Variants in TRIM24 observed in about 807,000 individuals in gnomAD.
TRIM24 encodes transcription intermediary factor 1-alpha.
Under a neutral mutation model 123.9 loss-of-function variants are expected in TRIM24, and 29 were observed. The observed-to-expected ratio is 0.23, with a 90% CI of 0.17 to 0.32. TRIM24 has a LOEUF of 0.32. TRIM24 is among the 10% of genes least tolerant of loss of function. The pLI is 1.00. For synonymous variants in TRIM24, 456 were observed against 461.1 expected (o/e 0.99, Z 0.14); for missense variants, 932 against 1,295.3 (o/e 0.72, Z 4.31).
intron 1 of TRIM24, among the ~76,000 whole-genome samples, chr7:138,469,114 C>T (rs1005469889): frequency 2.0e-5 from 3 of 152,146 alleles, no homozygotes; most frequent in Admixed American, 6.5e-5. Flanking sequence ...TGTCTCAGTA[C>T]TAGTTACTCT....
At chr7:138,476,277 T>C (rs1341503029) in intron 1 of TRIM24, among the ~76,000 whole-genome samples, 2 of 152,150 alleles carry the variant, frequency 1.3e-5, no homozygotes, top group South Asian at 4.1e-4. Flanking sequence ...AAGATGATTA[T>C]TGAGGTACAA....
At chr7:138,571,451 A>G in intron 11 of TRIM24, among the ~76,000 whole-genome samples, 2 of 152,340 alleles carry the variant, frequency 1.3e-5, no homozygotes, top group Non-Finnish European at 2.9e-5. Context: ...ACATAATCTA[A>G]TGTCTTTCAA....
intron 16 of TRIM24, among the ~76,000 whole-genome samples, chr7:138,581,134 TA>T (rs1797886463): frequency 6.6e-6 from 1 of 152,190 alleles, no homozygotes; most frequent in Admixed American, 6.5e-5. Flanking sequence ...AAATAACATT[TA>T]AAGCTACCAA....
chr7:138,576,875 C>T (rs1372325645), intron 13 of TRIM24, among the ~76,000 whole-genome samples: 1 of 152,160 alleles, frequency 6.6e-6, no homozygotes, highest in Non-Finnish European at 1.5e-5. Context: ...CTCTTCCCTG[C>T]ATTATGCCTG....
intron 6 of TRIM24, among the ~76,000 whole-genome samples, chr7:138,534,826 C>G (rs181580087): frequency 1.3e-5 from 2 of 152,142 alleles, no homozygotes; most frequent in East Asian, 3.9e-4. Flanking sequence ...TTAAAGTCTC[C>G]CATTATTATT....
At chr7:138,509,837 A>G in intron 2 of TRIM24, among the ~76,000 whole-genome samples, 1 of 152,220 alleles carries the variant, frequency 6.6e-6, no homozygotes, top group Non-Finnish European at 1.5e-5. Context: ...CTGAGGGAAC[A>G]AATGCAAAAG....
chr7:138,505,791 C>T (rs1458322301), intron 2 of TRIM24, among the ~76,000 whole-genome samples: 1 of 152,188 alleles, frequency 6.6e-6, no homozygotes, highest in East Asian at 1.9e-4. Context: ...CTATAACCCA[C>T]ATGTAGAACA....
At chr7:138,475,166 G>A (rs1795369000) in intron 1 of TRIM24, among the ~76,000 whole-genome samples, 1 of 152,184 alleles carries the variant, frequency 6.6e-6, no homozygotes, top group African/African-American at 2.4e-5. Context: ...GATGCTGTGT[G>A]TTGTGGTATG....
chr7:138,546,277 C>G (rs191762218), intron 7 of TRIM24, among the ~76,000 whole-genome samples: 9 of 152,248 alleles, frequency 5.9e-5, no homozygotes, highest in South Asian at 2.1e-4. Context: ...GGAAATATCA[C>G]CCAGGTTAAA....
chr7:138,472,959 C>G (rs906998953), intron 1 of TRIM24, among the ~76,000 whole-genome samples: 3 of 152,150 alleles, frequency 2.0e-5, no homozygotes, highest in African/African-American at 4.8e-5. Flanking sequence ...CCTTGGCCTC[C>G]CATTCAATCC....
chr7:138,569,972 A>ATC (rs1181829246), intron 10 of TRIM24, among the ~76,000 whole-genome samples: 5 of 147,664 alleles, frequency 3.4e-5, no homozygotes, highest in East Asian at 3.9e-4. Context: ...TTGAGGCAGA[A>ATC]TCTCTCTCTC....
intron 2 of TRIM24, among the ~76,000 whole-genome samples, chr7:138,512,919 T>C (rs1796320712): frequency 6.6e-6 from 1 of 152,218 alleles, no homozygotes; most frequent in South Asian, 2.1e-4. Context: ...CTTTGAAATA[T>C]CTAAGTTCCA....
chr7:138,469,239 C>G (rs1383677272), intron 1 of TRIM24, among the ~76,000 whole-genome samples: 1 of 151,688 alleles, frequency 6.6e-6, no homozygotes, highest in Admixed American at 6.6e-5. Flanking sequence ...CTAGATTTCT[C>G]TGTTTAATTT....
At chr7:138,523,706 G>A (rs1796550597) in intron 4 of TRIM24, among the ~76,000 whole-genome samples, 1 of 147,946 alleles carries the variant, frequency 6.8e-6, no homozygotes, top group Non-Finnish European at 1.5e-5. Flanking sequence ...AGCCGAGATG[G>A]GGCCACTGCA....
rs1797559719 is a variant in TRIM24, at chr7:138,567,520, C to T, written c.1570C>T (p.Pro524Ser). 1.2e-6 allele frequency: 2 copies of T among 1,613,554 alleles called. No homozygotes were observed. Among genetic ancestry groups the T allele is most frequent in the African/African-American group, 2.7e-5 (2 of 74,884 alleles). Residue 524 changes from proline (P) to serine (S), a missense_variant, in exon 10 of 19, where the codon CCC becomes TCC. Physicochemically the swap from Pro to Ser is moderately conservative, Grantham distance 74 (BLOSUM62 -1). Coordinates refer to ENST00000343526, the MANE Select transcript of TRIM24 (RefSeq NM_015905.3). The stretch of plus-strand genomic sequence containing the variant: ...TTTGATAAACTTTCAGAATCACAGC[C>T]CCAAACCCAATGGACCAGTTCTTCC... ...PRLINFQNHSPKPNGPVLPPH... is the reference protein window; with the variant it reads ...PRLINFQNHSSKPNGPVLPPH...
intron 1 of TRIM24, among the ~76,000 whole-genome samples, chr7:138,490,059 C>G (rs1795745377): frequency 6.6e-6 from 1 of 152,118 alleles, no homozygotes; most frequent in Admixed American, 6.6e-5. Flanking sequence ...TCTTTTTACT[C>G]TTTTTTCTCT....
At chr7:138,513,490 C>G (rs141560976) in intron 2 of TRIM24, among the ~76,000 whole-genome samples, 1 of 152,170 alleles carries the variant, frequency 6.6e-6, no homozygotes. Flanking sequence ...ATCCTGGCAT[C>G]TGCTCAGCTT....
chr7:138,547,493 CAT>C (rs1335091627), intron 7 of TRIM24, among the ~76,000 whole-genome samples: 8 of 152,072 alleles, frequency 5.3e-5, no homozygotes, highest in East Asian at 1.9e-4. Flanking sequence ...TACACAGAAA[CAT>C]ATTCAATTTT....
In TRIM24 at chr7:138,460,354, C is replaced by G; in HGVS notation, c.-195C>G. 2.1e-6 allele frequency: 1 copy of G among 473,312 alleles called. No individual in the cohort carries two copies. The highest frequency in any genetic ancestry group is 3.4e-6 in the Non-Finnish European group (1 of 295,442). The allele number at this position is 473,312 out of a possible 1,614,324, so 29.3% of individuals were successfully genotyped here. ...CCGCTGACAGATACCCTCCTTCCGG[C>G]CGCGCCACTCGGGAGGCGGATCCCG... On this transcript the variant is annotated 5_prime_UTR_variant, in exon 1 of 19. Transcript: ENST00000343526.
Sources: allele counts gnomAD v4.1 joint callset (sites outside exome capture counted in the v4.1 genomes callset), GRCh38; gene constraint gnomAD v4.1.1; transcripts MANE v1.5; gene names NCBI Gene and HGNC (gene_info 2026-07-23, HGNC 2026-07-21).